ZNF783: variants seen among roughly 807,000 people sequenced by gnomAD.
The protein encoded by ZNF783 is zinc finger protein 783.
Under a neutral mutation model 31.3 loss-of-function variants are expected in ZNF783, and 25 were observed. That is an observed-to-expected ratio of 0.80 (90% CI 0.58 to 1.11). The LOEUF is 1.11. ZNF783 is among the 50% of genes most tolerant of loss of function. The pLI, the probability that ZNF783 is intolerant of heterozygous loss-of-function variation, is 0.00. For synonymous variants in ZNF783, 369 were observed against 319.1 expected (o/e 1.16, Z -1.66); for missense variants, 797 against 760.0 (o/e 1.05, Z -0.57).
At chr7:149,267,604 T>G (rs1263096660) in intron 4 of ZNF783, among the ~76,000 whole-genome samples, 2 of 152,130 alleles carry the variant, frequency 1.3e-5, no homozygotes, top group African/African-American at 4.8e-5. Context: ...GAGACCATCC[T>G]GGTTAACATA....
chr7:149,265,228 C>G (rs1431316479), intron 1 of ZNF783, among the ~76,000 whole-genome samples: 1 of 152,166 alleles, frequency 6.6e-6, no homozygotes, highest in Non-Finnish European at 1.5e-5. Context: ...TTTAGCAGCA[C>G]CAACCAGGAC....
Position 149,283,532 on chromosome 7 carries a change from G to C in ZNF783, c.*1189G>C, listed in dbSNP as rs1797534108. On this transcript the variant is annotated 3_prime_UTR_variant, in exon 6 of 6. Transcript: ENST00000434415. ...AGCACCCTGAGGGGCAGTGCAGAGA[G>C]AGCCCAGGAAGCCCCTCCACTAGAG... 2 of 152,342 alleles carry C rather than the reference G, an allele frequency of 1.3e-5. No homozygotes were observed. Among genetic ancestry groups the C allele is most frequent in the South Asian group, 4.1e-4 (2 of 4,828 alleles). The allele number at this position is 152,342 out of a possible 1,614,324, so 9.4% of individuals were successfully genotyped here. A position where few individuals can be genotyped will look rare whatever the true frequency, so the allele number is the denominator to read the frequency against.
intron 5 of ZNF783, among the ~76,000 whole-genome samples, chr7:149,279,331 G>A (rs1170434348): frequency 6.6e-6 from 1 of 152,260 alleles, no homozygotes; most frequent in African/African-American, 2.4e-5. Context: ...GTGTCCGGGA[G>A]CCTCCCAACC....
At chr7:149,279,187 A>G (rs1797401567) in intron 5 of ZNF783, among the ~76,000 whole-genome samples, 2 of 152,170 alleles carry the variant, frequency 1.3e-5, no homozygotes. Flanking sequence ...TATCTTCCCC[A>G]CTGGATCATC....
Position 149,281,689 on chromosome 7 carries a change from G to A in ZNF783, c.987G>A (p.Arg329=), listed in dbSNP as rs960560938. 2.0e-6 allele frequency: 3 copies of A among 1,495,210 alleles called. 1 individual carries two copies. In the South Asian group the frequency reaches 4.0e-5, roughly 20 times the overall value. The allele number at this position is 1,495,210 out of a possible 1,614,324, so 92.6% of individuals were successfully genotyped here. A position where few individuals can be genotyped will look rare whatever the true frequency, so the allele number is the denominator to read the frequency against. The change falls in exon 6 of 6, where the codon CGG becomes CGA. Residue 329 remains arginine, a synonymous_variant. Coordinates refer to ENST00000434415, the MANE Select transcript of ZNF783 (RefSeq NM_001195220.2). ...CCAGGGTGCGGGCAGGGGAGCCACG[G>A]CCACCGGGGGCCAGTGGGGAGACGC... ...GMPRVRAGEP[R]PPGASGETPR...
chr7:149,262,674 T>G (rs1796955402), intron 1 of ZNF783, among the ~76,000 whole-genome samples: 1 of 152,130 alleles, frequency 6.6e-6, no homozygotes, highest in African/African-American at 2.4e-5. Context: ...ATTTGAGGCC[T>G]CGCGGCCCCC....
At position 149,282,157 on chromosome 7, in the gene ZNF783, G is replaced by A. The variant is rs762749019; in HGVS notation, c.1455G>A (p.Gln485=). The A allele has an allele frequency of 3.1e-6, 5 of 1,600,946 alleles. No homozygotes were observed. The South Asian group carries it at 4.4e-5, about 14-fold the overall frequency. ...FRRPSDLFRH[Q]RIHTGERPYQ... ...GGCCCTCGGACCTCTTCCGGCACCAGCGCATCCACACCGGTGAGCGGCCCT... is the reference window on the plus strand; with the variant it reads ...GGCCCTCGGACCTCTTCCGGCACCAACGCATCCACACCGGTGAGCGGCCCT... Residue 485 remains glutamine, a synonymous_variant, in exon 6 of 6, where the codon CAG becomes CAA. Coordinates refer to ENST00000434415, the MANE Select transcript of ZNF783 (RefSeq NM_001195220.2).
chr7:149,266,308 A>G (rs754707420), intron 1 of ZNF783, 27 bp from the exon 2 acceptor site: 10 of 1,513,328 alleles, frequency 6.6e-6, no homozygotes, highest in African/African-American at 4.2e-5. Flanking sequence ...TTCTCATAAC[A>G]TCTCTCTTTT....
rs1418326868 is a variant in ZNF783 at position 149,267,138 on chromosome 7, A to G, written c.589A>G (p.Arg197Gly). Residue 197 changes from arginine to glycine, a missense_variant, in exon 4 of 6, where the codon AGG becomes GGG. Transcript: ENST00000434415. The stretch of plus-strand genomic sequence containing the variant: ...ACCAGACATCCTCACCCGGATAGAG[A>G]GGGGAGAGGAGCCTTGTCTTGACCG... ...SKPDILTRIE[R>G]GEEPCLDRWG... is the part of the protein sequence containing the mutation. The G allele has an allele frequency of 1.9e-6, 3 of 1,599,306 alleles. No homozygotes were observed. The highest frequency in any genetic ancestry group is 2.5e-6 in the Non-Finnish European group (3 of 1,179,758).
rs1796940224 is a variant in ZNF783, at chr7:149,262,217, C to G, written c.-117C>G. The G allele has an allele frequency of 2.1e-6, 2 of 959,250 alleles. No individual in the cohort carries two copies. Among genetic ancestry groups the G allele is most frequent in the Admixed American group, 4.5e-5 (1 of 22,080 alleles). The allele number at this position is 959,250 out of a possible 1,614,324, so 59.4% of individuals were successfully genotyped here. Reference sequence around the variant, plus strand: ...GCTCGGGACGCAGTTCGCTGCCGCCCGGCAGTAGCTCTCAGGTTAGGCGGG... The same window carrying G: ...GCTCGGGACGCAGTTCGCTGCCGCCGGGCAGTAGCTCTCAGGTTAGGCGGG... On this transcript the variant is annotated 5_prime_UTR_variant, in exon 1 of 6. Transcript: ENST00000434415.
chr7:149,267,659 T>C (rs1360026160), intron 4 of ZNF783, among the ~76,000 whole-genome samples: 1 of 151,828 alleles, frequency 6.6e-6, no homozygotes, highest in East Asian at 1.9e-4. Flanking sequence ...TAGCCGGGCG[T>C]GGTGGCAGGC....
At position 149,284,282 on chromosome 7, in the gene ZNF783, C is replaced by T. The variant is rs995048582; in HGVS notation, c.*1939C>T. ...CTGGATGTGCCATTTCCTTGCCCTTCTGACCCTCACACTTCTTCCAAAGTC... is the reference window on the plus strand; with the variant it reads ...CTGGATGTGCCATTTCCTTGCCCTTTTGACCCTCACACTTCTTCCAAAGTC... On this transcript the variant is annotated 3_prime_UTR_variant, in exon 6 of 6. Transcript: ENST00000434415. The T allele has an allele frequency of 3.3e-5, 5 of 152,378 alleles. No individual in the cohort carries two copies. Among genetic ancestry groups the T allele is most frequent in the Admixed American group, 6.5e-5 (1 of 15,288 alleles). 9.4% of individuals were successfully genotyped at this position (152,378 alleles called of 1,614,324 possible).
chr7:149,263,498 C>G (rs950231253), intron 1 of ZNF783, among the ~76,000 whole-genome samples: 3 of 151,838 alleles, frequency 2.0e-5, no homozygotes, highest in African/African-American at 7.3e-5. Context: ...TTATATCTAT[C>G]TATCTATCTG....
intron 5 of ZNF783, among the ~76,000 whole-genome samples, chr7:149,280,101 A>AC (rs1245594921): frequency 5.9e-5 from 5 of 85,360 alleles, no homozygotes; most frequent in Non-Finnish European, 9.6e-5. Flanking sequence ...CGGGGGGCTG[A>AC]CCCCCCCACC....
At chr7:149,280,515 G>A (rs1797441077) in intron 5 of ZNF783, among the ~76,000 whole-genome samples, 1 of 152,144 alleles carries the variant, frequency 6.6e-6, no homozygotes, top group Non-Finnish European at 1.5e-5. Flanking sequence ...GGGACTGTGG[G>A]GACCCAGATC....
At chr7:149,262,461 T>C in intron 1 of ZNF783, 104 bp downstream of exon 1, 1 of 966,488 alleles carries the variant, frequency 1.0e-6, no homozygotes, top group Non-Finnish European at 1.3e-6. Context: ...GAGAGGGCCT[T>C]GCGCGCAGCC....
At position 149,281,682 on chromosome 7, in the gene ZNF783, A is replaced by G. The variant is rs1389878548; in HGVS notation, c.980A>G (p.Glu327Gly). 3 of 1,500,912 alleles carry G rather than the reference A, an allele frequency of 2.0e-6. No homozygotes were observed. Among genetic ancestry groups the G allele is most frequent in the Non-Finnish European group, 2.6e-6 (3 of 1,135,150 alleles). 93.0% of individuals were successfully genotyped at this position (1,500,912 alleles called of 1,614,324 possible). ...GGCATGCCCAGGGTGCGGGCAGGGGAGCCACGGCCACCGGGGGCCAGTGGG... is the reference window on the plus strand; with the variant it reads ...GGCATGCCCAGGGTGCGGGCAGGGGGGCCACGGCCACCGGGGGCCAGTGGG... Reference protein sequence around the residue: ...AQGMPRVRAGEPRPPGASGET... With the variant: ...AQGMPRVRAGGPRPPGASGET... The change falls in exon 6 of 6, where the codon GAG becomes GGG. Residue 327 changes from glutamate to glycine, a missense_variant. Glu to Gly is a moderately conservative substitution (Grantham distance 98). Coordinates refer to ENST00000434415, the MANE Select transcript of ZNF783 (RefSeq NM_001195220.2).
chr7:149,270,230 G>A (rs975001961), intron 4 of ZNF783, among the ~76,000 whole-genome samples: 4 of 152,212 alleles, frequency 2.6e-5, no homozygotes, highest in African/African-American at 9.7e-5. Flanking sequence ...GAATAGGGAA[G>A]GGAGTCTTTT....
rs574775334 is a variant in ZNF783 at position 149,269,572 on chromosome 7, A to G, written c.673+2350A>G. ...TTTGAGGTCTTACATTTAAATCTTT[A>G]ATCCATCTTGAGTTACTTTTTGCAT... On this transcript the variant is annotated intron_variant, in intron 4 of 5. Coordinates refer to ENST00000434415, the MANE Select transcript of ZNF783 (RefSeq NM_001195220.2). Among the ~76,000 whole-genome samples the G allele has an allele frequency of 3.3e-5, 5 of 152,308 alleles. No individual in the cohort carries two copies. In the South Asian group the frequency reaches 1.0e-3, roughly 32 times the overall value.
Sources: allele counts gnomAD v4.1 joint callset (sites outside exome capture counted in the v4.1 genomes callset), GRCh38; gene constraint gnomAD v4.1.1; transcripts MANE v1.5; gene names NCBI Gene and HGNC (gene_info 2026-07-23, HGNC 2026-07-21).